Variants in ZNF518B observed in about 807,000 individuals in gnomAD.
The protein encoded by ZNF518B is zinc finger protein 518B.
In ZNF518B, 23 loss-of-function variants were observed where a neutral mutation model predicts 56.3. That is an observed-to-expected ratio of 0.41 (90% confidence interval 0.29 to 0.58). The LOEUF (loss-of-function observed/expected upper bound fraction) is 0.58, where lower values mean the gene tolerates loss of function less well. ZNF518B is among the 20% of genes least tolerant of loss of function. The pLI, the probability that ZNF518B is intolerant of heterozygous loss-of-function variation, is 0.32. For synonymous variants in ZNF518B, 529 were observed against 465.9 expected (o/e 1.14, Z -1.74); for missense variants, 1,460 against 1,272.1 (o/e 1.15, Z -2.25).
rs754413846 is a variant in ZNF518B at position 10,443,614 on chromosome 4, A to G, written c.2715T>C (p.Ala905=). The G allele has an allele frequency of 6.2e-7, 1 of 1,614,148 alleles. No homozygotes were observed. The highest frequency in any genetic ancestry group is 8.5e-7 in the Non-Finnish European group (1 of 1,180,020). ...HLSRKKNKIQ[A]EPSRCLKDPS... ...GATCCTTGAGACAGCGGCTAGGTTC[A>G]GCTTGAATTTTGTTTTTCTTCCTGG... The change falls in exon 3 of 3, where the codon GCT becomes GCC. Residue 905 remains alanine, a synonymous_variant. Transcript: ENST00000326756.
At position 10,443,972 on chromosome 4, in the gene ZNF518B, T is replaced by C; in HGVS notation, c.2357A>G (p.Asn786Ser). 6.2e-7 allele frequency: 1 copy of C among 1,614,218 alleles called. No homozygotes were observed. Among genetic ancestry groups the C allele is most frequent in the Non-Finnish European group, 8.5e-7 (1 of 1,180,034 alleles). Residue 786 changes from asparagine (N) to serine (S), a missense_variant, in exon 3 of 3, where the codon AAT (asparagine) becomes AGT (serine). By Grantham distance (46) the Asn-to-Ser change is conservative (BLOSUM62 1). Transcript: ENST00000326756. ...ACATGTAGCCTCTATGATGTGGGCA[T>C]TCTCAGAGGAATTAAGAACCCTCAA... ...AVLRVLNSSENAHIIEATCEA... is the reference protein window; with the variant it reads ...AVLRVLNSSESAHIIEATCEA...
chr4:10,443,458 G>A lies in ZNF518B; in HGVS notation c.2871C>T (p.Thr957=). The change falls in exon 3 of 3, where the codon ACC becomes ACT. Residue 957 remains threonine (T), a synonymous_variant. Coordinates refer to ENST00000326756, the MANE Select transcript of ZNF518B (RefSeq NM_053042.3). ...NHPDVDSPEV[T]NVMKVINKYK... is the part of the protein sequence containing the mutation. ...ATTTATTTATTACCTTCATCACATT[G>A]GTCACTTCTGGCGAGTCCACATCAG... 3 of 1,614,072 alleles carry A rather than the reference G, an allele frequency of 1.9e-6. No individual in the cohort carries two copies. The African/African-American group carries it at 4.0e-5, about 22-fold the overall frequency.
chr4:10,444,205 T>C lies in ZNF518B; in HGVS notation c.2124A>G (p.Gln708=), dbSNP rs545849816. Residue 708 remains glutamine, a synonymous_variant, in exon 3 of 3, where the codon CAA becomes CAG. Coordinates refer to ENST00000326756, the MANE Select transcript of ZNF518B (RefSeq NM_053042.3). ...GACCAGTGAGTGACACGTTGATTTC[T>C]TGAATACCTTCAGAGGTAGCTTTTG... The part of the protein sequence containing the change: ...GTSKATSEGI[Q]EINVSLTGLG... 5.0e-6 allele frequency: 8 copies of C among 1,614,238 alleles called. No individual in the cohort carries two copies. The highest frequency in any genetic ancestry group is 4.4e-5 in the South Asian group (4 of 91,086).
At chr4:10,458,179 A>G (rs1367139618), upstream of ZNF518B, among the ~76,000 whole-genome samples, 3 of 152,194 alleles carry the variant, frequency 2.0e-5, no homozygotes, top group Non-Finnish European at 4.4e-5. Context: ...TAGAGCCTCT[A>G]AGAGGAAAGA....
rs756090162 is a variant in ZNF518B, at chr4:10,446,153, G to A, written c.176C>T (p.Thr59Ile). 1.9e-6 allele frequency: 3 copies of A among 1,614,062 alleles called. No individual in the cohort carries two copies. Among genetic ancestry groups the A allele is most frequent in the Non-Finnish European group, 2.5e-6 (3 of 1,180,050 alleles). ...EAEAAMMTIA[T>I]CAKCKSVHKI... ...GTGAACACTTTTGCACTTTGCACATGTAGCAATGGTCATCATGGCAGCCTC... is the reference window on the plus strand; with the variant it reads ...GTGAACACTTTTGCACTTTGCACATATAGCAATGGTCATCATGGCAGCCTC... The change falls in exon 3 of 3, where the codon ACA becomes ATA. Residue 59 changes from threonine to isoleucine, a missense_variant. Coordinates refer to ENST00000326756, the MANE Select transcript of ZNF518B (RefSeq NM_053042.3).
upstream of ZNF518B, among the ~76,000 whole-genome samples, chr4:10,461,305 C>T (rs1307220904): frequency 1.3e-5 from 2 of 152,248 alleles, no homozygotes; most frequent in Admixed American, 6.5e-5. Flanking sequence ...TCTTGGCTCT[C>T]CTGGCCCGCA....
At chr4:10,454,021 C>T (rs4501216) in intron 2 of ZNF518B, 137,476 of 152,288 alleles carry the variant, frequency 0.9, 63,340 homozygotes, top group Non-Finnish European at 1. Context: ...ATACTGGGAT[C>T]TTTAAAAGCT....
Position 10,445,848 on chromosome 4 carries a change from T to C in ZNF518B, c.481A>G (p.Lys161Glu). Reference protein sequence around the residue: ...KKHTLQHEEIKFICSHCSYIS... With the variant: ...KKHTLQHEEIEFICSHCSYIS... ...TAGCTGCAGTGAGAACAAATGAATT[T>C]AATCTCCTCGTGTTGAAGGGTGTGC... The change falls in exon 3 of 3, where the codon AAA becomes GAA. Residue 161 changes from lysine to glutamate, a missense_variant. Physicochemically the swap from Lys to Glu is moderately conservative, Grantham distance 56 (BLOSUM62 1). Coordinates refer to ENST00000326756, the MANE Select transcript of ZNF518B (RefSeq NM_053042.3). The C allele has an allele frequency of 1.2e-6, 2 of 1,614,242 alleles. No individual in the cohort carries two copies. The highest frequency in any genetic ancestry group is 1.7e-6 in the Non-Finnish European group (2 of 1,180,044).
At position 10,446,133 on chromosome 4, in the gene ZNF518B, C is replaced by CA. The variant is rs1160552776; in HGVS notation, c.195dup (p.Val66CysfsTer39). ...AAATCTTGAAGAGAGATCTTGTGAA[C>CA]ACTTTTGCACTTTGCACATGTAGCA... On this transcript the variant is annotated frameshift_variant, in exon 3 of 3. Coordinates refer to ENST00000326756, the MANE Select transcript of ZNF518B (RefSeq NM_053042.3). LOFTEE classifies it low-confidence loss of function (END_TRUNC). 1.2e-6 allele frequency: 2 copies of CA among 1,614,096 alleles called. No individual in the cohort carries two copies. Among genetic ancestry groups the CA allele is most frequent in the Non-Finnish European group, 1.7e-6 (2 of 1,180,048 alleles).
upstream of ZNF518B, among the ~76,000 whole-genome samples, chr4:10,459,850 T>A (rs531700699): frequency 6.6e-6 from 1 of 152,134 alleles, no homozygotes; most frequent in South Asian, 2.1e-4. Context: ...CCGACAGAAC[T>A]GTGAGACAAT....
At chr4:10,453,295 G>T (rs1418875017) in intron 2 of ZNF518B, 1 of 152,206 alleles carries the variant, frequency 6.6e-6, no homozygotes, top group African/African-American at 2.4e-5. Context: ...AATGTCCAGA[G>T]AAGCAGACAC....
At chr4:10,456,209 T>TA (rs1333822040) in intron 1 of ZNF518B, among the ~76,000 whole-genome samples, 1 of 152,224 alleles carries the variant, frequency 6.6e-6, no homozygotes, top group Non-Finnish European at 1.5e-5. Flanking sequence ...TTTTTAATGT[T>TA]ACGTTGATAA....
rs751983520 is a variant in ZNF518B at position 10,440,896 on chromosome 4, ACTCCT to A, written c.*2203_*2207del. 63 of 152,284 alleles carry A rather than the reference ACTCCT, an allele frequency of 4.1e-4. No homozygotes were observed. Among genetic ancestry groups the A allele is most frequent in the African/African-American group, 1.3e-3 (53 of 41,308 alleles). 9.4% of individuals were successfully genotyped at this position (152,284 alleles called of 1,614,324 possible). ...AAAAAAAAACCACAGCCTTTTCTTC[ACTCCT>A]CTCCTCTCTATATCTTGGGAGCTAT... On this transcript the variant is annotated 3_prime_UTR_variant, in exon 3 of 3. Transcript: ENST00000326756.
At chr4:10,456,429 A>G (rs1715529997) in intron 1 of ZNF518B, among the ~76,000 whole-genome samples, 2 of 152,038 alleles carry the variant, frequency 1.3e-5, no homozygotes, top group Admixed American at 1.3e-4. Context: ...GCAGGCCGGT[A>G]TGGGGAGGTC....
At chr4:10,453,773 G>A (rs1374383217) in intron 2 of ZNF518B, 2 of 152,154 alleles carry the variant, frequency 1.3e-5, no homozygotes, top group African/African-American at 2.4e-5. Context: ...AATGGATTCA[G>A]AGTTTAATAA....
Position 10,445,570 on chromosome 4 carries a change from T to C in ZNF518B, c.759A>G (p.Gln253=), listed in dbSNP as rs73224493. The change falls in exon 3 of 3, where the codon CAA becomes CAG. Residue 253 remains glutamine (Q), a synonymous_variant. Coordinates refer to ENST00000326756, the MANE Select transcript of ZNF518B (RefSeq NM_053042.3). The stretch of plus-strand genomic sequence containing the variant: ...CTGACAGTTGGTCTGACCACTTATT[T>C]TGAAATGTAGTCCGTGGATTGGAAG... ...LKASNPRTTF[Q]NKWSDQLSGF... 1 of 1,614,194 alleles carries C rather than the reference T, an allele frequency of 6.2e-7. No individual in the cohort carries two copies. The highest frequency in any genetic ancestry group is 8.5e-7 in the Non-Finnish European group (1 of 1,180,038).
intron 2 of ZNF518B, 175 bp downstream of exon 2, chr4:10,454,630 T>A (rs1715454855): frequency 6.6e-6 from 1 of 152,264 alleles, no homozygotes; most frequent in Admixed American, 6.5e-5. Flanking sequence ...AGTTATCTGC[T>A]TCTTCCCTGA....
chr4:10,445,405 G>A lies in ZNF518B; in HGVS notation c.924C>T (p.Asn308=). The change falls in exon 3 of 3, where the codon AAC becomes AAT. Residue 308 remains asparagine, a synonymous_variant. Coordinates refer to ENST00000326756, the MANE Select transcript of ZNF518B (RefSeq NM_053042.3). ...ATAACACTTCTACTTCAACATTTTTGTTCTCAAATAGGTTGACTTCATTTG... is the reference window on the plus strand; with the variant it reads ...ATAACACTTCTACTTCAACATTTTTATTCTCAAATAGGTTGACTTCATTTG... ...SEPNEVNLFE[N]KNVEVEVLSP... 1 of 1,614,158 alleles carries A rather than the reference G, an allele frequency of 6.2e-7. No homozygotes were observed. Among genetic ancestry groups the A allele is most frequent in the Non-Finnish European group, 8.5e-7 (1 of 1,180,008 alleles).
In ZNF518B at chr4:10,443,124, G is replaced by A; in HGVS notation, c.3205C>T (p.Leu1069Phe). The change falls in exon 3 of 3, where the codon CTT becomes TTT. Residue 1069 changes from leucine (L) to phenylalanine (F), a missense_variant. Transcript: ENST00000326756. ...LIEATRDWDV[L>F]SSKGK ...TTTACTTATTTGCCCTTGGAGGAAA[G>A]AACATCCCAATCTCTAGTTGCTTCT... is the stretch of plus-strand genomic sequence containing the variant. 1.2e-6 allele frequency: 2 copies of A among 1,612,852 alleles called. No individual in the cohort carries two copies. The highest frequency in any genetic ancestry group is 2.2e-5 in the East Asian group (1 of 44,866).
Sources: gnomAD v4.1 joint callset for allele counts (sites outside exome capture counted in the v4.1 genomes callset) on GRCh38, gnomAD v4.1.1 for gene constraint, MANE v1.5 for transcripts, NCBI Gene and HGNC (gene_info 2026-07-23, HGNC 2026-07-21) for gene names.